RAB3IP: variants seen among roughly 807,000 people sequenced by gnomAD.
RAB3IP encodes RAB3A interacting protein.
Under a neutral mutation model 59.1 loss-of-function variants are expected in RAB3IP, and 36 were observed. The ratio of observed to expected loss-of-function variants is 0.61; its 90% CI spans 0.47 to 0.80. The LOEUF (loss-of-function observed/expected upper bound fraction) is 0.80. Among genes scored for constraint, RAB3IP ranks in the 30% least tolerant of loss-of-function variants. The pLI is 0.00. For missense variants in RAB3IP, 511 were observed against 536.0 expected, an observed-to-expected ratio of 0.95 and a Z score of 0.46; for synonymous variants, 207 against 191.2, an observed-to-expected ratio of 1.08 and a Z score of -0.68.
chr12:69,753,739 A>T (rs921668140), intron 1 of RAB3IP, among the ~76,000 whole-genome samples: 1 of 152,216 alleles, frequency 6.6e-6, no homozygotes. Flanking sequence ...GAGAGATTGG[A>T]TTCAGATCCT....
chr12:69,815,661 T>C lies in RAB3IP; in HGVS notation c.*215T>C, dbSNP rs1394913089. On this transcript the variant is annotated 3_prime_UTR_variant, in exon 11 of 11. Coordinates refer to ENST00000247833, the MANE Select transcript of RAB3IP (RefSeq NM_022456.5). The stretch of plus-strand genomic sequence containing the variant: ...ACACTATGAAGAATTCCAGGTGTAC[T>C]AGTGAATGTAATTTATAGTTGCCAA... The C allele has an allele frequency of 2.9e-6, 1 of 345,750 alleles. No individual in the cohort carries two copies. Among genetic ancestry groups the C allele is most frequent in the Non-Finnish European group, 5.2e-6 (1 of 192,862 alleles). The allele number at this position is 345,750 out of a possible 1,614,324, so 21.4% of individuals were successfully genotyped here. A position where few individuals can be genotyped will look rare whatever the true frequency, so the allele number is the denominator to read the frequency against.
intron 1 of RAB3IP, among the ~76,000 whole-genome samples, chr12:69,743,898 A>G (rs1403052574): frequency 2.7e-5 from 4 of 149,396 alleles, no homozygotes; most frequent in African/African-American, 9.9e-5. Flanking sequence ...GTATTTCAGC[A>G]CCTGTTGAAT....
At chr12:69,768,864 T>G (rs1004592220) in intron 3 of RAB3IP, among the ~76,000 whole-genome samples, 1 of 152,118 alleles carries the variant, frequency 6.6e-6, no homozygotes. Context: ...ATGGCCATGT[T>G]GCCAGGTTGT....
rs752515786 is a variant in RAB3IP, at chr12:69,794,457, A to G, written c.627A>G (p.Arg209=). 6.2e-7 allele frequency: 1 copy of G among 1,612,836 alleles called. No individual in the cohort carries two copies. The highest frequency in any genetic ancestry group is 8.5e-7 in the Non-Finnish European group (1 of 1,179,430). ...TTCAGGAAGCTCATAAAATGGTGAG[A>G]GAAGCAAATATCAAGCAGGCAACAG... ...SLFEEAHKMV[R]EANIKQATAE... is the part of the protein sequence containing the mutation. The change falls in exon 5 of 11, where the codon AGA becomes AGG. Residue 209 remains arginine, a synonymous_variant. Coordinates refer to ENST00000247833, the MANE Select transcript of RAB3IP (RefSeq NM_022456.5).
intron 1 of RAB3IP, among the ~76,000 whole-genome samples, chr12:69,754,159 T>G (rs1869789094): frequency 6.6e-6 from 1 of 152,174 alleles, no homozygotes; most frequent in Non-Finnish European, 1.5e-5. Context: ...ATGAAACACA[T>G]TATCCAGGAT....
intron 3 of RAB3IP, among the ~76,000 whole-genome samples, chr12:69,759,666 A>G (rs1313960014): frequency 8.5e-6 from 1 of 117,964 alleles, no homozygotes; most frequent in Non-Finnish European, 1.7e-5. Flanking sequence ...CTGAACCCCC[A>G]CCTCCCGGAC....
chr12:69,804,623 T>C (rs1440737327), intron 8 of RAB3IP, among the ~76,000 whole-genome samples: 3 of 152,206 alleles, frequency 2.0e-5, no homozygotes, highest in Non-Finnish European at 4.4e-5. Context: ...GTTTTTATAG[T>C]TTTAGGTCTA....
intron 1 of RAB3IP, among the ~76,000 whole-genome samples, chr12:69,753,175 G>T (rs1366602928): frequency 6.6e-6 from 1 of 152,140 alleles, no homozygotes; most frequent in Non-Finnish European, 1.5e-5. Flanking sequence ...ATACTAATTT[G>T]TAATTTTGAA....
chr12:69,805,407 G>A (rs553126021), intron 8 of RAB3IP, among the ~76,000 whole-genome samples: 1 of 152,248 alleles, frequency 6.6e-6, no homozygotes, highest in South Asian at 2.1e-4. Context: ...CTGAGACGAT[G>A]GGGTTTTCTA....
chr12:69,744,060 C>T (rs554777431), intron 1 of RAB3IP, among the ~76,000 whole-genome samples: 4 of 152,012 alleles, frequency 2.6e-5, no homozygotes, highest in South Asian at 4.2e-4. Flanking sequence ...TAGGTATACA[C>T]GTGCCATGGT....
chr12:69,784,266 G>C (rs1386541249), intron 3 of RAB3IP, among the ~76,000 whole-genome samples: 3 of 151,934 alleles, frequency 2.0e-5, no homozygotes, highest in Non-Finnish European at 2.9e-5. Context: ...TTTTAGGTTA[G>C]TTGCAGTATG....
intron 3 of RAB3IP, among the ~76,000 whole-genome samples, chr12:69,758,756 C>CT (rs71437121): frequency 0.3 from 14,469 of 48,116 alleles, 2,486 homozygotes; most frequent in Non-Finnish European, 0.37. Flanking sequence ...GTGTTCATTC[C>CT]TTTTTTTTTT....
chr12:69,782,724 T>C (rs1286446855), intron 3 of RAB3IP, among the ~76,000 whole-genome samples: 1 of 152,244 alleles, frequency 6.6e-6, no homozygotes, highest in Admixed American at 6.5e-5. Flanking sequence ...TCTCTTGATA[T>C]TCCCATCTTT....
At chr12:69,752,004 C>CT (rs769835694) in intron 1 of RAB3IP, among the ~76,000 whole-genome samples, 351 of 129,426 alleles carry the variant, frequency 2.7e-3, no homozygotes, top group East Asian at 8.2e-3. Context: ...TTCTTTTGTT[C>CT]TTTTTTTTTT....
intron 8 of RAB3IP, 66 bp downstream of exon 8, chr12:69,801,787 T>C (rs771392652): frequency 4.5e-5 from 46 of 1,024,110 alleles, no homozygotes; most frequent in Admixed American, 3.7e-4. Flanking sequence ...GTTGCAGTTA[T>C]TTAGTTTTTC....
At chr12:69,750,891 C>T (rs946933316) in intron 1 of RAB3IP, among the ~76,000 whole-genome samples, 1 of 152,088 alleles carries the variant, frequency 6.6e-6, no homozygotes, top group Non-Finnish European at 1.5e-5. Context: ...TAAAGTTCCT[C>T]AAACAACCTT....
intron 2 of RAB3IP, 137 bp from the exon 3 acceptor site, chr12:69,756,268 A>G (rs188147133): frequency 1.1e-4 from 85 of 805,472 alleles, no homozygotes; most frequent in Admixed American, 8.6e-4. Context: ...AATGTGGCTG[A>G]TATGACTGAG....
intron 1 of RAB3IP, among the ~76,000 whole-genome samples, chr12:69,743,232 ATTTG>A (rs763457583): frequency 2.9e-4 from 44 of 152,240 alleles, no homozygotes; most frequent in Non-Finnish European, 4.9e-4. Context: ...AGTATTGAAT[ATTTG>A]TTTGGGAGCA....
At chr12:69,753,961 G>GT (rs1869750046) in intron 1 of RAB3IP, among the ~76,000 whole-genome samples, 1 of 152,082 alleles carries the variant, frequency 6.6e-6, no homozygotes, top group South Asian at 2.1e-4. Flanking sequence ...AGCATATGTG[G>GT]TATTGTTAGT....
Sources: gnomAD v4.1 joint callset for allele counts (sites outside exome capture counted in the v4.1 genomes callset) on GRCh38, gnomAD v4.1.1 for gene constraint, MANE v1.5 for transcripts, NCBI Gene and HGNC (gene_info 2026-07-23, HGNC 2026-07-21) for gene names.